The following REV3L variants were observed in gnomAD, a reference collection of about 807,000 sequenced individuals.
REV3L encodes REV3 like, DNA directed polymerase zeta catalytic subunit, also known as DNA polymerase zeta catalytic subunit.
In REV3L, 69 loss-of-function variants were observed where a neutral mutation model predicts 299.4. The ratio of observed to expected loss-of-function variants is 0.23; its 90% CI spans 0.19 to 0.28. REV3L has a LOEUF of 0.28. Ranked by LOEUF, REV3L falls within the 10% of genes least tolerant of loss-of-function variation. The pLI, the probability that REV3L is intolerant of heterozygous loss-of-function variation, is 1.00. For missense variants in REV3L, 3,128 were observed against 3,693.8 expected, an observed-to-expected ratio of 0.85 and a Z score of 3.97; for synonymous variants, 1,238 against 1,271.4, an observed-to-expected ratio of 0.97 and a Z score of 0.56.
chr6:111,409,457 C>G (rs532711752), intron 3 of REV3L, among the ~76,000 whole-genome samples: 6 of 151,442 alleles, frequency 4.0e-5, no homozygotes, highest in Non-Finnish European at 5.9e-5. Context: ...GCCAGATTAA[C>G]CCACTATCAA....
chr6:111,479,854 A>C (rs1793410903), intron 1 of REV3L, among the ~76,000 whole-genome samples: 1 of 152,114 alleles, frequency 6.6e-6, no homozygotes, highest in Non-Finnish European at 1.5e-5. Flanking sequence ...AATTTCACCA[A>C]CTTAAGACAT....
intron 9 of REV3L, among the ~76,000 whole-genome samples, chr6:111,383,925 A>C (rs1362631806): frequency 6.6e-6 from 1 of 152,168 alleles, no homozygotes; most frequent in Non-Finnish European, 1.5e-5. Flanking sequence ...AGACCAATGG[A>C]ATAGAGAACC....
intron 2 of REV3L, among the ~76,000 whole-genome samples, chr6:111,415,940 G>A (rs879858080): frequency 3.9e-5 from 6 of 152,116 alleles, no homozygotes; most frequent in African/African-American, 1.4e-4. Context: ...ACATGGGCAG[G>A]GCTCTTTGTT....
chr6:111,314,611 TCTC>T (rs1278898057), intron 27 of REV3L, among the ~76,000 whole-genome samples: 1 of 152,156 alleles, frequency 6.6e-6, no homozygotes, highest in Non-Finnish European at 1.5e-5. Flanking sequence ...CTAACAGTCT[TCTC>T]AGCTGAGGAA....
intron 26 of REV3L, among the ~76,000 whole-genome samples, chr6:111,317,566 G>A (rs1003941956): frequency 7.2e-5 from 11 of 152,024 alleles, no homozygotes; most frequent in South Asian, 2.1e-4. Context: ...GGCTCACTGC[G>A]CCTCAACCTC....
At position 111,465,745 on chromosome 6, in the gene REV3L, C is replaced by CA. The variant is rs376561912; in HGVS notation, c.139+17004dup. Among the ~76,000 whole-genome samples, 89 of 76,848 alleles carry CA rather than the reference C, an allele frequency of 1.2e-3. 2 individuals carry two copies. The highest frequency in any genetic ancestry group is 3.7e-3 in the South Asian group (6 of 1,642). 50.4% of individuals were successfully genotyped at this position (76,848 alleles called of 152,430 possible). ...GAGATTCCGACTCAAAAACAAAAAC[C>CA]AAAAAAAAAAAAAAAAAAAAACTTT... On this transcript the variant is annotated intron_variant, in intron 1 of 31. Transcript: ENST00000368802.
At position 111,322,648 on chromosome 6, in the gene REV3L, C is replaced by G; in HGVS notation, c.8272G>C (p.Glu2758Gln). The G allele has an allele frequency of 1.2e-6, 2 of 1,614,096 alleles. No homozygotes were observed. Among genetic ancestry groups the G allele is most frequent in the Non-Finnish European group, 1.7e-6 (2 of 1,179,974 alleles). Residue 2758 changes from glutamate (E) to glutamine (Q), a missense_variant, in exon 26 of 32, where the codon GAG becomes CAG. By Grantham distance (29) the Glu-to-Gln change is conservative. This residue lies in a region of REV3L where 37 missense variants were observed against 100.1 expected (regional missense o/e 0.37). Coordinates refer to ENST00000368802, the MANE Select transcript of REV3L (RefSeq NM_001372078.1). ...VGDSIVHKAR[E>Q]TLERAIKLVN... is the part of the protein sequence containing the mutation. The stretch of plus-strand genomic sequence containing the variant: ...AGTTTAATAGCTCGTTCCAAGGTCT[C>G]TCTGGCTTTGTGAACAATACTATCG...
chr6:111,386,755 TCTGTTGCCCAGG>T (rs1469539113), intron 9 of REV3L, among the ~76,000 whole-genome samples: 1 of 146,842 alleles, frequency 6.8e-6, no homozygotes, highest in Non-Finnish European at 1.5e-5. Flanking sequence ...GGAGTTTTGC[TCTGTTGCCCAGG>T]CTGGAATGCA....
intron 1 of REV3L, among the ~76,000 whole-genome samples, chr6:111,439,610 G>A (rs1171971713): frequency 6.6e-6 from 1 of 152,134 alleles, no homozygotes; most frequent in African/African-American, 2.4e-5. Context: ...TTGAAGTATG[G>A]TCTTCTCTTA....
At chr6:111,311,635 G>GTCC (rs2114726648) in intron 28 of REV3L, 1 of 153,914 alleles carries the variant, frequency 6.5e-6, no homozygotes, top group East Asian at 1.9e-4. Flanking sequence ...TATAGAAAGG[G>GTCC]TCCTGATTCA....
chr6:111,423,019 G>A (rs1785750460), intron 1 of REV3L, among the ~76,000 whole-genome samples: 1 of 151,930 alleles, frequency 6.6e-6, no homozygotes, highest in Non-Finnish European at 1.5e-5. Flanking sequence ...TTTGTCTAAT[G>A]TGTCTTTGTA....
At chr6:111,343,130 T>G (rs1197853636) in intron 21 of REV3L, among the ~76,000 whole-genome samples, 1 of 152,204 alleles carries the variant, frequency 6.6e-6, no homozygotes, top group Non-Finnish European at 1.5e-5. Context: ...TATGCAAATC[T>G]TTATTGCAGT....
Position 111,380,030 on chromosome 6 carries a change from A to T in REV3L, c.1406T>A (p.Met469Lys). Residue 469 changes from methionine to lysine, a missense_variant, in exon 11 of 32, where the codon ATG (methionine) becomes AAG (lysine). Met to Lys is a moderately conservative substitution (Grantham distance 95, BLOSUM62 -1). Around this residue, in one of 9 missense-constraint regions of REV3L, gnomAD observed 2,409 missense variants for 2,611.8 expected, o/e 0.92. Transcript: ENST00000368802. ...EKEEMELSLV[M>K]SQRWDSNIEE... is the part of the protein sequence containing the mutation. ...AATATTGCTGTCCCATCTCTGGGAC[A>T]TCACCAAACTAAGCTCCATTTCCTC... 1 of 1,614,120 alleles carries T rather than the reference A, an allele frequency of 6.2e-7. No homozygotes were observed. Among genetic ancestry groups the T allele is most frequent in the Non-Finnish European group, 8.5e-7 (1 of 1,179,980 alleles).
chr6:111,327,419 G>C (rs1774948442), intron 25 of REV3L, among the ~76,000 whole-genome samples: 1 of 152,084 alleles, frequency 6.6e-6, no homozygotes, highest in Non-Finnish European at 1.5e-5. Flanking sequence ...ACTGGGCATA[G>C]AGGTAAGCAC....
intron 1 of REV3L, among the ~76,000 whole-genome samples, chr6:111,431,941 TA>T (rs1377815339): frequency 1.3e-5 from 2 of 152,120 alleles, no homozygotes; most frequent in African/African-American, 4.8e-5. Flanking sequence ...TATTAGGTAA[TA>T]AAGCGGGACC....
At chr6:111,421,695 C>G (rs1178187371) in intron 1 of REV3L, among the ~76,000 whole-genome samples, 1 of 151,748 alleles carries the variant, frequency 6.6e-6, no homozygotes, top group Non-Finnish European at 1.5e-5. Context: ...AAGAAATACT[C>G]ATTGTGTAAT....
chr6:111,440,622 T>A (rs1788153740), intron 1 of REV3L, among the ~76,000 whole-genome samples: 1 of 152,232 alleles, frequency 6.6e-6, no homozygotes, highest in Non-Finnish European at 1.5e-5. Context: ...TTTGAACAGT[T>A]ACCTATCAGT....
At chr6:111,483,370 C>T (rs1196663977), upstream of REV3L, 3 of 478,946 alleles carry the variant, frequency 6.3e-6, no homozygotes, top group African/African-American at 6.2e-5. Flanking sequence ...GGGCTTTCTC[C>T]CCCTCCCCGG....
intron 1 of REV3L, among the ~76,000 whole-genome samples, chr6:111,425,647 C>T (rs549659402): frequency 6.6e-6 from 1 of 151,740 alleles, no homozygotes; most frequent in East Asian, 1.9e-4. Flanking sequence ...GCAAATATGG[C>T]ACCATATATA....
Sources: allele counts gnomAD v4.1 joint callset (sites outside exome capture counted in the v4.1 genomes callset), GRCh38; gene constraint gnomAD v4.1.1; regional missense constraint gnomAD v4.1.1; transcripts MANE v1.5; gene names NCBI Gene and HGNC (gene_info 2026-07-23, HGNC 2026-07-21).